CCDC34: variants seen among roughly 807,000 people sequenced by gnomAD.
CCDC34 encodes coiled-coil domain containing 34, also known as coiled-coil domain-containing protein 34.
CCDC34 carries 40 observed loss-of-function variants against 44.1 expected under a neutral mutation model. The ratio of observed to expected loss-of-function variants is 0.91; its 90% CI spans 0.70 to 1.18. The LOEUF (loss-of-function observed/expected upper bound fraction) is 1.18. Among genes scored for constraint, CCDC34 ranks in the 50% most tolerant of loss-of-function variants. The probability of loss-of-function intolerance (pLI) is 0.00; values close to 1 mark genes in which losing one functional copy is unlikely to be tolerated. For synonymous variants in CCDC34, 159 were observed against 158.2 expected, an observed-to-expected ratio of 1.01 and a Z score of -0.04; for missense variants, 466 against 452.3, an observed-to-expected ratio of 1.03 and a Z score of -0.28.
chr11:27,347,193 G>A (rs986435350), intron 3 of CCDC34, among the ~76,000 whole-genome samples: 1 of 152,124 alleles, frequency 6.6e-6, no homozygotes, highest in African/African-American at 2.4e-5. Flanking sequence ...GACTTAAAAT[G>A]AAAAAGATTG....
intron 3 of CCDC34, among the ~76,000 whole-genome samples, chr11:27,343,155 C>G (rs772575266): frequency 3.3e-5 from 5 of 152,168 alleles, no homozygotes; most frequent in African/African-American, 4.8e-5. Context: ...AATCCCAGCA[C>G]TTTGCGGGGC....
chr11:27,360,212 T>C (rs1180002313), intron 1 of CCDC34, among the ~76,000 whole-genome samples: 4 of 152,160 alleles, frequency 2.6e-5, no homozygotes, highest in Non-Finnish European at 5.9e-5. Context: ...TCCTAATGGA[T>C]AGTGGTAGAA....
chr11:27,362,756 G>A (rs1048094778), intron 1 of CCDC34, 80 bp downstream of exon 1: 1 of 1,488,636 alleles, frequency 6.7e-7, no homozygotes, highest in Non-Finnish European at 9.1e-7. Context: ...CGGAGGGCAG[G>A]AGGATGTTAG....
intron 1 of CCDC34, among the ~76,000 whole-genome samples, chr11:27,359,498 CT>C (rs544144130): frequency 7.0e-6 from 1 of 143,670 alleles, no homozygotes; most frequent in Non-Finnish European, 1.5e-5. Context: ...TTTTTTTTTT[CT>C]TTTTTTTGAG....
At chr11:27,340,904 C>A in intron 4 of CCDC34, 67 bp from the exon 5 acceptor site, 1 of 1,512,180 alleles carries the variant, frequency 6.6e-7, no homozygotes, top group Non-Finnish European at 9.0e-7. Context: ...TCAAATTCTA[C>A]TGATTTTTTT....
chr11:27,350,403 C>T lies in CCDC34; in HGVS notation c.535G>A (p.Glu179Lys), dbSNP rs1862491804. 4 of 1,610,496 alleles carry T rather than the reference C, an allele frequency of 2.5e-6. No individual in the cohort carries two copies. Among genetic ancestry groups the T allele is most frequent in the Non-Finnish European group, 3.4e-6 (4 of 1,178,172 alleles). Residue 179 changes from glutamate (E) to lysine (K), a missense_variant, in exon 3 of 6, where the codon GAA becomes AAA. Glu to Lys is a moderately conservative substitution (Grantham distance 56, BLOSUM62 1). Coordinates refer to ENST00000328697, the MANE Select transcript of CCDC34 (RefSeq NM_030771.2). ...NQQLEKRKEM[E>K]EREKRKIIAE... ...ATTATCTTTCTTTTTTCACGTTCTT[C>T]CATTTCTTTTCTTTTTTCTAGTTGT...
chr11:27,355,371 T>TA (rs547050229), intron 2 of CCDC34, among the ~76,000 whole-genome samples: 2 of 152,032 alleles, frequency 1.3e-5, no homozygotes, highest in Non-Finnish European at 2.9e-5. Flanking sequence ...TTTTATAACA[T>TA]AAAAAAATAG....
chr11:27,356,843 C>T (rs951770241), intron 2 of CCDC34, among the ~76,000 whole-genome samples: 27 of 127,810 alleles, frequency 2.1e-4, no homozygotes, highest in Admixed American at 1.0e-3. Context: ...ACATAGGGCA[C>T]ATGCTCACTG....
rs1267481138 is a variant in CCDC34, at chr11:27,338,932, TC to T, written c.1010del (p.Gly337GlufsTer8). ...PPPKEAKDLS[G>X]RKSKRPVISQ... Reference sequence around the variant, plus strand: ...TTATCACAGGTCTTTTACTCTTCCTTCCTGATAGATCCTTAGCTTCTTTGGG... The same window carrying T: ...TTATCACAGGTCTTTTACTCTTCCTTCTGATAGATCCTTAGCTTCTTTGGG... On this transcript the variant is annotated frameshift_variant, in exon 6 of 6. Coordinates refer to ENST00000328697, the MANE Select transcript of CCDC34 (RefSeq NM_030771.2). LOFTEE classifies it low-confidence loss of function (END_TRUNC). 1.9e-6 allele frequency: 3 copies of T among 1,613,862 alleles called. No homozygotes were observed. Among genetic ancestry groups the T allele is most frequent in the Non-Finnish European group, 2.5e-6 (3 of 1,179,834 alleles).
At chr11:27,342,291 CTATATATATA>C (rs34284661) in intron 3 of CCDC34, among the ~76,000 whole-genome samples, 4 of 139,236 alleles carry the variant, frequency 2.9e-5, no homozygotes, top group East Asian at 2.1e-4. Context: ...AAAACAGGGG[CTATATATATA>C]TATATATATA....
intron 3 of CCDC34, chr11:27,349,654 T>C: frequency 4.1e-6 from 4 of 983,918 alleles, no homozygotes; most frequent in Non-Finnish European, 3.6e-6. Flanking sequence ...CGAATGTGTG[T>C]GATCCATAGA....
intron 3 of CCDC34, among the ~76,000 whole-genome samples, chr11:27,346,344 A>G (rs1862433063): frequency 6.6e-6 from 1 of 151,108 alleles, no homozygotes; most frequent in African/African-American, 2.4e-5. Context: ...GCGGTGAGCC[A>G]AGATCATGCC....
At chr11:27,342,178 G>A (rs1437986351) in intron 3 of CCDC34, among the ~76,000 whole-genome samples, 1 of 151,810 alleles carries the variant, frequency 6.6e-6, no homozygotes, top group Non-Finnish European at 1.5e-5. Context: ...GACTAATACA[G>A]TGTTCAATCA....
At chr11:27,345,349 T>C (rs1385383117) in intron 3 of CCDC34, among the ~76,000 whole-genome samples, 1 of 152,196 alleles carries the variant, frequency 6.6e-6, no homozygotes, top group East Asian at 1.9e-4. Context: ...GTTTGTTACA[T>C]ATGTATACAT....
chr11:27,350,321 C>G lies in CCDC34; in HGVS notation c.606+11G>C. On this transcript the variant is annotated intron_variant, in intron 3 of 5. Transcript: ENST00000328697. ...AGATGTCAATGTGTGTATCCATTTTCCCCTCCTTACTTGCTCATTCTTTTT... is the reference window on the plus strand; with the variant it reads ...AGATGTCAATGTGTGTATCCATTTTGCCCTCCTTACTTGCTCATTCTTTTT... 1 of 1,613,772 alleles carries G rather than the reference C, an allele frequency of 6.2e-7. No homozygotes were observed. The highest frequency in any genetic ancestry group is 8.5e-7 in the Non-Finnish European group (1 of 1,179,852).
chr11:27,342,796 A>AT (rs1285219461), intron 3 of CCDC34, among the ~76,000 whole-genome samples: 4 of 152,252 alleles, frequency 2.6e-5, no homozygotes, highest in Non-Finnish European at 5.9e-5. Flanking sequence ...GACACAGACT[A>AT]TAACTCAATA....
At position 27,340,791 on chromosome 11, in the gene CCDC34, A is replaced by G. The variant is rs754307960; in HGVS notation, c.812T>C (p.Ile271Thr). Reference protein sequence around the residue: ...QQAEIQEKKEIAEKKFQEWLE... With the variant: ...QQAEIQEKKETAEKKFQEWLE... ...CCATTCTTGAAACTTTTTTTCTGCT[A>G]TTTCCTTTTTCTCCTGTATTTCAGC... The change falls in exon 5 of 6, where the codon ATA becomes ACA. Residue 271 changes from isoleucine (I) to threonine (T), a missense_variant. By Grantham distance (89) the Ile-to-Thr change is moderately conservative (BLOSUM62 -1). Transcript: ENST00000328697. The G allele has an allele frequency of 1.6e-5, 26 of 1,613,136 alleles. No individual in the cohort carries two copies. The South Asian group carries it at 2.1e-4, about 13-fold the overall frequency.
In CCDC34 at chr11:27,339,027, T is replaced by C. The variant is rs1862317297; in HGVS notation, c.916A>G (p.Ser306Gly). ...GCTGGTTCTGGATAGGAATTTCCAC[T>C]GTAAAAACCTAAAATTATTGAAAAA... ...YANGKLTGFY[S>G]GNSYPEPAFY... The change falls in exon 6 of 6, where the codon AGT becomes GGT. Residue 306 changes from serine (S) to glycine (G), a missense_variant. Coordinates refer to ENST00000328697, the MANE Select transcript of CCDC34 (RefSeq NM_030771.2). 1.9e-6 allele frequency: 3 copies of C among 1,600,704 alleles called. No individual in the cohort carries two copies. The East Asian group carries it at 6.7e-5, about 36-fold the overall frequency.
intron 3 of CCDC34, among the ~76,000 whole-genome samples, chr11:27,342,764 A>G (rs1167976993): frequency 2.0e-5 from 3 of 152,226 alleles, no homozygotes; most frequent in Non-Finnish European, 4.4e-5. Flanking sequence ...GGCCCTTTAT[A>G]GAAAAAAAAA....
Sources: gnomAD v4.1 joint callset for allele counts (sites outside exome capture counted in the v4.1 genomes callset) on GRCh38, gnomAD v4.1.1 for gene constraint, MANE v1.5 for transcripts, NCBI Gene and HGNC (gene_info 2026-07-23, HGNC 2026-07-21) for gene names.